HRNR: variants seen among roughly 807,000 people sequenced by gnomAD.
HRNR encodes the protein filaggrin family member 3.
In HRNR, 7 loss-of-function variants were observed where a neutral mutation model predicts 4.8. The ratio of observed to expected loss-of-function variants is 1.47; its 90% CI spans 0.83 to 2.75. The LOEUF (loss-of-function observed/expected upper bound fraction) is 2.75. Among genes scored for constraint, HRNR ranks in the 30% most tolerant of loss-of-function variants. HRNR has a pLI of 0.00. For synonymous variants in HRNR, 1,023 were observed against 1,242.7 expected (o/e 0.82, Z 3.72); for missense variants, 2,879 against 3,010.4 (o/e 0.96, Z 1.02).
At position 152,218,809 on chromosome 1, in the gene HRNR, C is replaced by G. The variant is rs113925654; in HGVS notation, c.2820G>C (p.Gln940His). ...ATCCATGCTGAGTGTAACCAGAGGA[C>G]TGCCCTGAGCTAGACTTGTGACCAA... ...SGFGHKSSSG[Q>H]SSGYTQHGSG... Residue 940 changes from glutamine to histidine, a missense_variant, in exon 3 of 3, where the codon CAG becomes CAC. Coordinates refer to ENST00000368801, the MANE Select transcript of HRNR (RefSeq NM_001009931.3). The G allele has an allele frequency of 3.9e-4, 625 of 1,613,674 alleles. 2 individuals are homozygous for G. The highest frequency in any genetic ancestry group is 2.0e-3 in the Middle Eastern group (12 of 6,062).
chr1:152,218,489 G>C lies in HRNR; in HGVS notation c.3140C>G (p.Ser1047Cys), dbSNP rs764488238. Residue 1047 changes from serine to cysteine, a missense_variant, in exon 3 of 3, where the codon TCT (serine) becomes TGT (cysteine). By Grantham distance (112) the Ser-to-Cys change is moderately radical. Transcript: ENST00000368801. ...RGPYESGSGH[S>C]SGLGHRESRS... ...AGACTCTCGGTGACCTAAGCCAGAA[G>C]AGTGACCGGAGCCAGACTCATATGG... The C allele has an allele frequency of 1.2e-6, 2 of 1,613,672 alleles. No individual in the cohort carries two copies. Among genetic ancestry groups the C allele is most frequent in the Non-Finnish European group, 1.7e-6 (2 of 1,180,004 alleles).
rs779692439 is a variant in HRNR, at chr1:152,219,548, A to G, written c.2081T>C (p.Val694Ala). The change falls in exon 3 of 3, where the codon GTC becomes GCC. Residue 694 changes from valine (V) to alanine (A), a missense_variant. Transcript: ENST00000368801. The stretch of plus-strand genomic sequence containing the variant: ...ACCAAAGCCGGAAGACTGGCCTGAG[A>G]CAGACCCATGTGGGCCATTGCTTGA... Reference protein sequence around the residue: ...WSSSNGPHGSVSGQSSGFGHK... With the variant: ...WSSSNGPHGSASGQSSGFGHK... 5 of 1,610,566 alleles carry G rather than the reference A, an allele frequency of 3.1e-6. No homozygotes were observed. In the African/African-American group the frequency reaches 5.4e-5, roughly 18 times the overall value.
In HRNR at chr1:152,218,931, A is replaced by C. The variant is rs1648791566; in HGVS notation, c.2698T>G (p.Ser900Ala). 2 of 1,613,700 alleles carry C rather than the reference A, an allele frequency of 1.2e-6. No individual in the cohort carries two copies. The highest frequency in any genetic ancestry group is 1.7e-6 in the Non-Finnish European group (2 of 1,179,954). The part of the protein sequence containing the change: ...SPGHGQRGSG[S>A]GQSPSYGRHG... ...CGGCCATAGCTGGGAGACTGCCCTG[A>C]CCCAGACCCACGCTGGCCGTGGCCT... Residue 900 changes from serine to alanine, a missense_variant, in exon 3 of 3, where the codon TCA (serine) becomes GCA (alanine). Ser to Ala is a moderately conservative substitution (Grantham distance 99). Transcript: ENST00000368801.
In HRNR at chr1:152,220,538, T is replaced by C. The variant is rs1384897514; in HGVS notation, c.1091A>G (p.His364Arg). 3 of 1,611,574 alleles carry C rather than the reference T, an allele frequency of 1.9e-6. No individual in the cohort carries two copies. The Admixed American group carries it at 5.0e-5, about 27-fold the overall frequency. ...AGAGGAGTGACCTGAGCCAGAACCA[T>C]GCTTACTATAGCCAGAGGACTGTCC... ...GSGQSSGYSK[H>R]GSGSGHSSSQ... Residue 364 changes from histidine to arginine, a missense_variant, in exon 3 of 3, where the codon CAT becomes CGT. By Grantham distance (29) the His-to-Arg change is conservative (BLOSUM62 0). Transcript: ENST00000368801.
At position 152,221,450 on chromosome 1, in the gene HRNR, C is replaced by A. The variant is rs776524719; in HGVS notation, c.179G>T (p.Ser60Ile). The change falls in exon 3 of 3, where the codon AGT becomes ATT. Residue 60 changes from serine to isoleucine, a missense_variant. Transcript: ENST00000368801. The stretch of plus-strand genomic sequence containing the variant: ...TTTCTTGTTATGGTCTCGATCCAGA[C>A]TTTGCAAGATGATATCCACAGTATC... ...DPDTVDIILQ[S>I]LDRDHNKKVD... is the part of the protein sequence containing the mutation. 7.4e-6 allele frequency: 12 copies of A among 1,611,314 alleles called. No individual in the cohort carries two copies. The highest frequency in any genetic ancestry group is 1.0e-5 in the Non-Finnish European group (12 of 1,178,378).
chr1:152,220,899 A>G lies in HRNR; in HGVS notation c.730T>C (p.Tyr244His), dbSNP rs1428644675. ...CCTGAGCCAGATCCATGCTGACTGTAACCAGAGGACTGCCCTGAGCTAGAC... is the reference window on the plus strand; with the variant it reads ...CCTGAGCCAGATCCATGCTGACTGTGACCAGAGGACTGCCCTGAGCTAGAC... ...HKSSSGQSSG[Y>H]SQHGSGSGHS... The change falls in exon 3 of 3, where the codon TAC (tyrosine) becomes CAC (histidine). Residue 244 changes from tyrosine (Y) to histidine (H), a missense_variant. By Grantham distance (83) the Tyr-to-His change is moderately conservative (BLOSUM62 2). This residue lies in a region of HRNR where 2,646 missense variants were observed against 1,377.7 expected (regional missense o/e 1.92). Transcript: ENST00000368801. 6.2e-7 allele frequency: 1 copy of G among 1,614,048 alleles called. No homozygotes were observed. The highest frequency in any genetic ancestry group is 2.2e-5 in the East Asian group (1 of 44,864).
chr1:152,223,705 C>A (rs1649075876), intron 1 of HRNR, among the ~76,000 whole-genome samples: 1 of 152,180 alleles, frequency 6.6e-6, no homozygotes, highest in Non-Finnish European at 1.5e-5. Flanking sequence ...AATGGCTGAA[C>A]TGAACTCTCA....
chr1:152,222,131 G>A lies in HRNR; in HGVS notation c.139-641C>T, dbSNP rs78696650. 1.4e-3 allele frequency among the ~76,000 whole-genome samples: 212 copies of A among 152,252 alleles called. 6 individuals carry two copies. In the East Asian group the frequency reaches 0.028, roughly 20 times the overall value. On this transcript the variant is annotated intron_variant, in intron 2 of 2. Transcript: ENST00000368801. Reference sequence around the variant, plus strand: ...TTAGCCAAATGAAGAAGTAGGAAGAGAAAGAGAAGGGGAAAAGATTGTTCT... The same window carrying A: ...TTAGCCAAATGAAGAAGTAGGAAGAAAAAGAGAAGGGGAAAAGATTGTTCT...
rs1339318775 is a variant in HRNR at position 152,212,405 on chromosome 1, A to G, written c.*671T>C. ...GTTTTTTTTTTTCCTGAAATGATAA[A>G]TCCCTATTCTTTATGAAATAATGCT... On this transcript the variant is annotated 3_prime_UTR_variant, in exon 3 of 3. Coordinates refer to ENST00000368801, the MANE Select transcript of HRNR (RefSeq NM_001009931.3). 6.6e-6 allele frequency: 1 copy of G among 152,212 alleles called. No individual in the cohort carries two copies. The highest frequency in any genetic ancestry group is 1.5e-5 in the Non-Finnish European group (1 of 68,080). 9.4% of individuals were successfully genotyped at this position (152,212 alleles called of 1,614,324 possible).
In HRNR at chr1:152,220,339, C is replaced by G. The variant is rs766065534; in HGVS notation, c.1290G>C (p.Gly430=). 1.2e-6 allele frequency: 2 copies of G among 1,612,952 alleles called. No homozygotes were observed. The highest frequency in any genetic ancestry group is 1.7e-5 in the Admixed American group (1 of 59,952). ...AGCTGGGAGACTGCCCTGACCCAGACCCACGCTGGCCGTGGCCTGGAGACT... is the reference window on the plus strand; with the variant it reads ...AGCTGGGAGACTGCCCTGACCCAGAGCCACGCTGGCCGTGGCCTGGAGACT... ...SGQSPGHGQR[G]SGSGQSPSSG... Residue 430 remains glycine, a synonymous_variant, in exon 3 of 3, where the codon GGG becomes GGC. Coordinates refer to ENST00000368801, the MANE Select transcript of HRNR (RefSeq NM_001009931.3).
Position 152,218,937 on chromosome 1 carries a change from A to C in HRNR, c.2692T>G (p.Ser898Ala), listed in dbSNP as rs770963877. The C allele has an allele frequency of 1.2e-6, 2 of 1,613,388 alleles. No homozygotes were observed. The highest frequency in any genetic ancestry group is 1.7e-6 in the Non-Finnish European group (2 of 1,179,892). Residue 898 changes from serine (S) to alanine (A), a missense_variant, in exon 3 of 3, where the codon TCT becomes GCT. Ser to Ala is a moderately conservative substitution (Grantham distance 99). Around this residue, in one of 8 missense-constraint regions of HRNR, gnomAD observed 2,646 missense variants for 1,377.7 expected, o/e 1.92. Coordinates refer to ENST00000368801, the MANE Select transcript of HRNR (RefSeq NM_001009931.3). ...TAGCTGGGAGACTGCCCTGACCCAGACCCACGCTGGCCGTGGCCTGGAGAC... is the reference window on the plus strand; with the variant it reads ...TAGCTGGGAGACTGCCCTGACCCAGCCCCACGCTGGCCGTGGCCTGGAGAC... Reference protein sequence around the residue: ...GQSPGHGQRGSGSGQSPSYGR... With the variant: ...GQSPGHGQRGAGSGQSPSYGR...
Position 152,218,876 on chromosome 1 carries a change from C to G in HRNR, c.2753G>C (p.Ser918Thr), listed in dbSNP as rs778245983. The G allele has an allele frequency of 1.9e-6, 3 of 1,613,978 alleles. No individual in the cohort carries two copies. Among genetic ancestry groups the G allele is most frequent in the Non-Finnish European group, 2.5e-6 (3 of 1,179,986 alleles). Residue 918 changes from serine to threonine, a missense_variant, in exon 3 of 3, where the codon AGC (serine) becomes ACC (threonine). Physicochemically the swap from Ser to Thr is moderately conservative, Grantham distance 58. Around this residue, in one of 8 missense-constraint regions of HRNR, gnomAD observed 2,646 missense variants for 1,377.7 expected, o/e 1.92. Transcript: ENST00000368801. ...RHGSGSGRSS[S>T]SGRHGSGSGQ... ...TGAGCCAGACCCATGTCGGCCACTGCTGGAAGACCGACCGGAGCCAGACCC... is the reference window on the plus strand; with the variant it reads ...TGAGCCAGACCCATGTCGGCCACTGGTGGAAGACCGACCGGAGCCAGACCC...
At position 152,213,097 on chromosome 1, in the gene HRNR, C is replaced by A. The variant is rs760423812; in HGVS notation, c.8532G>T (p.Gln2844His). The part of the protein sequence containing the change: ...STSPYEYVQE[Q>H]RCYFYQ ...TTATTCACTGATAAAAGTAGCACCT[C>A]TGCTCTTGGACATATTCATAGGGTG... Residue 2844 changes from glutamine to histidine, a missense_variant, in exon 3 of 3, where the codon CAG becomes CAT. Gln to His is a conservative substitution (Grantham distance 24). Around this residue, in one of 8 missense-constraint regions of HRNR, gnomAD observed 158 missense variants for 107.6 expected, o/e 1.47. Coordinates refer to ENST00000368801, the MANE Select transcript of HRNR (RefSeq NM_001009931.3). 9.3e-6 allele frequency: 15 copies of A among 1,613,538 alleles called. No homozygotes were observed. Among genetic ancestry groups the A allele is most frequent in the South Asian group, 2.2e-5 (2 of 91,040 alleles).
At position 152,218,757 on chromosome 1, in the gene HRNR, C is replaced by T. The variant is rs138860104; in HGVS notation, c.2872G>A (p.Glu958Lys). 1.6e-4 allele frequency: 255 copies of T among 1,613,600 alleles called. 1 individual carries two copies. Among genetic ancestry groups the T allele is most frequent in the Middle Eastern group, 3.3e-4 (2 of 6,058 alleles). ...GSGSGHSSSYEQHGSRSGQSS... is the reference protein window; with the variant it reads ...GSGSGHSSSYKQHGSRSGQSS... Reference sequence around the variant, plus strand: ...TGTCCTGACCTAGAGCCGTGTTGTTCGTAGCTGGAGGAGTGACCTGAGCCA... The same window carrying T: ...TGTCCTGACCTAGAGCCGTGTTGTTTGTAGCTGGAGGAGTGACCTGAGCCA... Residue 958 changes from glutamate (E) to lysine (K), a missense_variant, in exon 3 of 3, where the codon GAA becomes AAA. Around this residue, in one of 8 missense-constraint regions of HRNR, gnomAD observed 2,646 missense variants for 1,377.7 expected, o/e 1.92. Coordinates refer to ENST00000368801, the MANE Select transcript of HRNR (RefSeq NM_001009931.3).
chr1:152,220,099 A>T lies in HRNR; in HGVS notation c.1530T>A (p.Ser510Arg), dbSNP rs561515483. ...GACCATAGCTGGAAGATGAACCTGC[A>T]CTAGATCCTTGTCGTTCACCCCTAG... is the stretch of plus-strand genomic sequence containing the variant. ...QSSRGERQGS[S>R]AGSSSSYGQH... Residue 510 changes from serine to arginine, a missense_variant, in exon 3 of 3, where the codon AGT becomes AGA. Ser to Arg is a moderately radical substitution (Grantham distance 110). Transcript: ENST00000368801. The T allele has an allele frequency of 1.9e-6, 3 of 1,612,708 alleles. No homozygotes were observed. Among genetic ancestry groups the T allele is most frequent in the Non-Finnish European group, 2.5e-6 (3 of 1,179,462 alleles).
Position 152,219,079 on chromosome 1 carries a change from C to T in HRNR, c.2550G>A (p.Gln850=), listed in dbSNP as rs1230917556. The T allele has an allele frequency of 6.2e-7, 1 of 1,613,584 alleles. No homozygotes were observed. The highest frequency in any genetic ancestry group is 8.5e-7 in the Non-Finnish European group (1 of 1,179,972). ...SQGRHGSTSG[Q]SSSSGQHDSS... is the part of the protein sequence containing the mutation. ...AGTCATGTTGGCCGGAGCTTGATGA[C>T]TGCCCTGACGTAGATCCATGTCGTC... The change falls in exon 3 of 3, where the codon CAG becomes CAA. Residue 850 remains glutamine (Q), a synonymous_variant. Coordinates refer to ENST00000368801, the MANE Select transcript of HRNR (RefSeq NM_001009931.3).
chr1:152,222,404 A>G (rs1272339240), intron 2 of HRNR, among the ~76,000 whole-genome samples: 1 of 152,182 alleles, frequency 6.6e-6, no homozygotes, highest in African/African-American at 2.4e-5. Flanking sequence ...ATTTGCATCC[A>G]ATGCTGAGAG....
rs139225675 is a variant in HRNR at position 152,219,118 on chromosome 1, G to T, written c.2511C>A (p.His837Gln). ...GYSQHGSASG[H>Q]FSSQGRHGST... ...ATCCATGTCGTCCCTGGCTAGAGAA[G>T]TGACCTGAGGCAGAACCATGCTGAC... Residue 837 changes from histidine to glutamine, a missense_variant, in exon 3 of 3, where the codon CAC becomes CAA. Physicochemically the swap from His to Gln is conservative, Grantham distance 24 (BLOSUM62 0). Around this residue, in one of 8 missense-constraint regions of HRNR, gnomAD observed 2,646 missense variants for 1,377.7 expected, o/e 1.92. Transcript: ENST00000368801. 7.5e-5 allele frequency: 121 copies of T among 1,613,876 alleles called. 1 individual carries two copies. The highest frequency in any genetic ancestry group is 6.1e-4 in the South Asian group (56 of 91,072).
chr1:152,219,241 A>G lies in HRNR; in HGVS notation c.2388T>C (p.Ser796=), dbSNP rs763154410. 1.2e-6 allele frequency: 2 copies of G among 1,613,696 alleles called. No individual in the cohort carries two copies. The highest frequency in any genetic ancestry group is 2.2e-5 in the South Asian group (2 of 91,056). ...CACAGCTGGAAGAACAACTTGTGCC[A>G]GACCCGTGTTGGCCGTGGCTGGAGG... ...GHSSSHGQHG[S]GTSCSSSCGH... The change falls in exon 3 of 3, where the codon TCT becomes TCC. Residue 796 remains serine, a synonymous_variant. Coordinates refer to ENST00000368801, the MANE Select transcript of HRNR (RefSeq NM_001009931.3).
Sources: gnomAD v4.1 joint callset for allele counts (sites outside exome capture counted in the v4.1 genomes callset) on GRCh38, gnomAD v4.1.1 for gene constraint, gnomAD v4.1.1 regional missense constraint, MANE v1.5 for transcripts, NCBI Gene and HGNC (gene_info 2026-07-23, HGNC 2026-07-21) for gene names.